Variants in CDK14 observed in about 807,000 individuals in gnomAD.
CDK14 encodes the protein cyclin-dependent kinase 14.
A neutral mutation model predicts 60.7 loss-of-function variants in CDK14; 34 were observed. The ratio of observed to expected loss-of-function variants is 0.56; its 90% CI spans 0.43 to 0.75. The LOEUF (loss-of-function observed/expected upper bound fraction) is 0.75, where lower values mean the gene tolerates loss of function less well. CDK14 is among the 30% of genes least tolerant of loss of function. The pLI, the probability that CDK14 is intolerant of heterozygous loss-of-function variation, is 0.00. For synonymous variants in CDK14, 197 were observed against 203.7 expected, an observed-to-expected ratio of 0.97 and a Z score of 0.28; for missense variants, 482 against 564.1, an observed-to-expected ratio of 0.85 and a Z score of 1.47.
intron 12 of CDK14, among the ~76,000 whole-genome samples, chr7:91,106,915 G>C (rs926653491): frequency 2.0e-5 from 3 of 152,164 alleles, no homozygotes; most frequent in Non-Finnish European, 4.4e-5. Context: ...CAGGCATACA[G>C]CATGACTTCT....
chr7:90,755,596 A>G (rs73707518), intron 4 of CDK14, among the ~76,000 whole-genome samples: 2,298 of 152,304 alleles, frequency 0.015, 49 homozygotes, highest in African/African-American at 0.051. Flanking sequence ...CTGTACATGT[A>G]GCCCCGTAAT....
intron 12 of CDK14, among the ~76,000 whole-genome samples, chr7:91,083,457 C>A (rs1311929500): frequency 1.3e-5 from 2 of 152,132 alleles, no homozygotes; most frequent in Admixed American, 6.5e-5. Context: ...ACAGTCCAAT[C>A]CAAGCAGGTC....
At chr7:90,611,358 A>G (rs779709132) in intron 2 of CDK14, among the ~76,000 whole-genome samples, 1 of 152,172 alleles carries the variant, frequency 6.6e-6, no homozygotes, top group Non-Finnish European at 1.5e-5. Flanking sequence ...ACTGCCCACT[A>G]GAAGTTTCTG....
intron 2 of CDK14, among the ~76,000 whole-genome samples, chr7:90,716,882 A>C (rs1419408099): frequency 6.6e-6 from 1 of 152,020 alleles, no homozygotes; most frequent in East Asian, 1.9e-4. Context: ...CCATGTCTCA[A>C]ATTTCAAGGT....
intron 1 of CDK14, among the ~76,000 whole-genome samples, chr7:90,601,930 GTA>G (rs1563012111): frequency 1.1e-5 from 1 of 87,528 alleles, no homozygotes; most frequent in Admixed American, 1.6e-4. Flanking sequence ...TTTTATGTAT[GTA>G]TGTATGTATG....
chr7:91,068,649 C>T (rs531508419), intron 11 of CDK14, among the ~76,000 whole-genome samples: 24 of 152,050 alleles, frequency 1.6e-4, no homozygotes, highest in South Asian at 6.2e-4. Flanking sequence ...AAGCATTTTC[C>T]GACTCTGATC....
At chr7:90,989,844 A>G (rs181431447) in intron 10 of CDK14, among the ~76,000 whole-genome samples, 23 of 152,108 alleles carry the variant, frequency 1.5e-4, no homozygotes, top group Non-Finnish European at 2.6e-4. Flanking sequence ...ACCATTTTTA[A>G]TTTTTTTAAA....
At chr7:90,874,010 C>T (rs748492945) in intron 6 of CDK14, among the ~76,000 whole-genome samples, 3 of 152,028 alleles carry the variant, frequency 2.0e-5, no homozygotes, top group Non-Finnish European at 2.9e-5. Flanking sequence ...ACTACTTTTT[C>T]CTCTCTGTTT....
At chr7:91,105,390 G>C (rs1343724424) in intron 12 of CDK14, among the ~76,000 whole-genome samples, 5 of 152,200 alleles carry the variant, frequency 3.3e-5, no homozygotes, top group Non-Finnish European at 7.4e-5. Flanking sequence ...TTCCAACAAA[G>C]AAAGACCACA....
chr7:90,722,425 C>T (rs1388773988), intron 2 of CDK14, among the ~76,000 whole-genome samples: 4 of 152,088 alleles, frequency 2.6e-5, no homozygotes, highest in South Asian at 2.1e-4. Flanking sequence ...AGGTTGGTCT[C>T]GAACTCCTGA....
intron 2 of CDK14, among the ~76,000 whole-genome samples, chr7:90,668,359 GTTAT>G (rs1392502784): frequency 3.3e-5 from 5 of 152,052 alleles, no homozygotes; most frequent in Non-Finnish European, 7.4e-5. Flanking sequence ...TTTTAAGTAG[GTTAT>G]TTGTCTTTTT....
At chr7:91,052,837 G>T (rs569933950) in intron 11 of CDK14, among the ~76,000 whole-genome samples, 46 of 152,302 alleles carry the variant, frequency 3.0e-4, no homozygotes, top group African/African-American at 1.1e-3. Flanking sequence ...GAAGAAAATG[G>T]ACTGTCTCCC....
intron 12 of CDK14, among the ~76,000 whole-genome samples, chr7:91,103,931 A>G (rs991594375): frequency 1.3e-5 from 2 of 152,172 alleles, no homozygotes; most frequent in Non-Finnish European, 2.9e-5. Context: ...GAAGAGCAGC[A>G]TACTGTTATT....
chr7:91,165,283 A>C (rs1158606864), intron 14 of CDK14, among the ~76,000 whole-genome samples: 2 of 152,248 alleles, frequency 1.3e-5, no homozygotes, highest in African/African-American at 2.4e-5. Flanking sequence ...GCGTACATCT[A>C]ATAATCATGT....
At chr7:91,108,033 C>T (rs1280000007) in intron 12 of CDK14, among the ~76,000 whole-genome samples, 3 of 152,204 alleles carry the variant, frequency 2.0e-5, no homozygotes, top group Admixed American at 6.5e-5. Flanking sequence ...TTTGTCCAGG[C>T]GCAGTGGCTC....
chr7:90,865,574 G>A (rs190496042), intron 6 of CDK14, among the ~76,000 whole-genome samples: 1 of 152,236 alleles, frequency 6.6e-6, no homozygotes, highest in Admixed American at 6.5e-5. Flanking sequence ...AACATTAAGT[G>A]CCTTGGAAAT....
chr7:90,851,076 A>G (rs1790633434), intron 5 of CDK14, among the ~76,000 whole-genome samples: 1 of 152,236 alleles, frequency 6.6e-6, no homozygotes, highest in Admixed American at 6.5e-5. Flanking sequence ...GAAAACTAAG[A>G]CAAAAGGAAA....
intron 2 of CDK14, among the ~76,000 whole-genome samples, chr7:90,609,281 T>C (rs1251083891): frequency 6.6e-6 from 1 of 152,144 alleles, no homozygotes; most frequent in Non-Finnish European, 1.5e-5. Context: ...CATCTCAGCC[T>C]CCTAAAGTGT....
intron 5 of CDK14, among the ~76,000 whole-genome samples, chr7:90,811,536 C>A (rs1193007697): frequency 6.6e-6 from 1 of 152,052 alleles, no homozygotes; most frequent in Non-Finnish European, 1.5e-5. Flanking sequence ...CTAGGCAATA[C>A]CATTCAGGAC....
Sources: allele counts gnomAD v4.1 joint callset (sites outside exome capture counted in the v4.1 genomes callset), GRCh38; gene constraint gnomAD v4.1.1; transcripts MANE v1.5; gene names NCBI Gene and HGNC (gene_info 2026-07-23, HGNC 2026-07-21).